PLEKHH2: variants seen among roughly 807,000 people sequenced by gnomAD.
PLEKHH2 encodes the protein pleckstrin homology domain-containing family H member 2.
Under a neutral mutation model 187.9 loss-of-function variants are expected in PLEKHH2, and 129 were observed. The observed-to-expected ratio is 0.69, with a 90% CI of 0.59 to 0.79. PLEKHH2 has a LOEUF of 0.79. PLEKHH2 is among the 30% of genes least tolerant of loss of function. PLEKHH2 has a pLI of 0.00. For synonymous variants in PLEKHH2, 686 were observed against 605.6 expected, an observed-to-expected ratio of 1.13 and a Z score of -1.95; for missense variants, 2,076 against 1,751.2, an observed-to-expected ratio of 1.19 and a Z score of -3.31.
intron 6 of PLEKHH2, among the ~76,000 whole-genome samples, chr2:43,696,720 G>T (rs1038816615): frequency 6.6e-6 from 1 of 152,080 alleles, no homozygotes; most frequent in African/African-American, 2.4e-5. Flanking sequence ...TGGGATGGTT[G>T]CCCCAAGGAT....
chr2:43,736,384 G>A (rs963516403), intron 19 of PLEKHH2, among the ~76,000 whole-genome samples: 16 of 152,094 alleles, frequency 1.1e-4, no homozygotes, highest in African/African-American at 3.6e-4. Flanking sequence ...CAGATTCTTC[G>A]GAAAAAACTA....
chr2:43,755,980 T>C (rs1672196257), intron 25 of PLEKHH2, among the ~76,000 whole-genome samples: 1 of 152,196 alleles, frequency 6.6e-6, no homozygotes, highest in Admixed American at 6.5e-5. Flanking sequence ...AGCAAAAATG[T>C]GAATCTAGCT....
chr2:43,652,352 C>G (rs1666518650), intron 2 of PLEKHH2, among the ~76,000 whole-genome samples: 1 of 152,082 alleles, frequency 6.6e-6, no homozygotes, highest in Admixed American at 6.6e-5. Flanking sequence ...GGCATTTGGC[C>G]CTTAGAAGGA....
chr2:43,729,427 A>G (rs1361574323), intron 17 of PLEKHH2, among the ~76,000 whole-genome samples: 1 of 152,252 alleles, frequency 6.6e-6, no homozygotes, highest in Non-Finnish European at 1.5e-5. Flanking sequence ...CTGAATAAGA[A>G]AAGTGTAAAT....
rs1405267805 is a variant in PLEKHH2, at chr2:43,694,441, G to A, written c.347G>A (p.Arg116Lys). 1.3e-6 allele frequency: 2 copies of A among 1,556,966 alleles called. No individual in the cohort carries two copies. The highest frequency in any genetic ancestry group is 1.7e-6 in the Non-Finnish European group (2 of 1,144,880). The change falls in exon 5 of 30, where the codon AGA becomes AAA. Residue 116 changes from arginine to lysine, a missense_variant. By Grantham distance (26) the Arg-to-Lys change is conservative. Transcript: ENST00000282406. ...CTATTGTTATTTCAGAAACAAATAA[G>A]AATACAAGAAGCTAAAATAATAGAA... ...ELQLEEQKQI[R>K]IQEAKIIEEK...
chr2:43,645,637 T>A (rs1574468060), intron 2 of PLEKHH2, among the ~76,000 whole-genome samples: 1 of 152,308 alleles, frequency 6.6e-6, no homozygotes, highest in African/African-American at 2.4e-5. Flanking sequence ...ATAATTTTTA[T>A]ATTGATTATA....
chr2:43,694,714 A>G (rs1197973620), intron 5 of PLEKHH2, among the ~76,000 whole-genome samples, 200 bp downstream of exon 5: 5 of 152,204 alleles, frequency 3.3e-5, no homozygotes, highest in African/African-American at 1.2e-4. Flanking sequence ...TAATAGACTC[A>G]TGAGGATCAG....
At chr2:43,686,673 T>C (rs770876524) in intron 3 of PLEKHH2, among the ~76,000 whole-genome samples, 1 of 152,238 alleles carries the variant, frequency 6.6e-6, no homozygotes, top group East Asian at 1.9e-4. Flanking sequence ...TCCTACTTTA[T>C]AATCATGGAG....
chr2:43,764,294 G>A lies in PLEKHH2; in HGVS notation c.4225G>A (p.Val1409Ile), dbSNP rs1672540132. 3.1e-6 allele frequency: 5 copies of A among 1,601,188 alleles called. No individual in the cohort carries two copies. The highest frequency in any genetic ancestry group is 1.3e-5 in the African/African-American group (1 of 74,254). The change falls in exon 29 of 30, where the codon GTA (valine) becomes ATA (isoleucine). Residue 1409 changes from valine (V) to isoleucine (I), a missense_variant. By Grantham distance (29) the Val-to-Ile change is conservative (BLOSUM62 3). Coordinates refer to ENST00000282406, the MANE Select transcript of PLEKHH2 (RefSeq NM_172069.4). ...TFGGYQDDFM[V>I]VINNTHSKDK... ...TGGAGGCTATCAAGATGATTTTATGGTAGTCATTAACAATACACATTCAAA... is the reference window on the plus strand; with the variant it reads ...TGGAGGCTATCAAGATGATTTTATGATAGTCATTAACAATACACATTCAAA...
At chr2:43,671,833 T>C (rs980526845) in intron 2 of PLEKHH2, among the ~76,000 whole-genome samples, 1 of 152,216 alleles carries the variant, frequency 6.6e-6, no homozygotes, top group African/African-American at 2.4e-5. Context: ...CTTTGTTGTG[T>C]ATATTTGGAT....
chr2:43,727,011 T>A (rs1282069107), intron 17 of PLEKHH2, among the ~76,000 whole-genome samples: 1 of 152,180 alleles, frequency 6.6e-6, no homozygotes, highest in East Asian at 1.9e-4. Context: ...TTTCATCTCA[T>A]ACAGATAGCA....
intron 15 of PLEKHH2, among the ~76,000 whole-genome samples, chr2:43,720,465 A>G (rs576118544): frequency 1.3e-5 from 2 of 152,230 alleles, no homozygotes; most frequent in African/African-American, 4.8e-5. Context: ...GCTAGTCCAC[A>G]GTGTCTATTG....
At chr2:43,710,828 A>T in intron 14 of PLEKHH2, 3 of 1,251,020 alleles carry the variant, frequency 2.4e-6, no homozygotes, top group Non-Finnish European at 3.0e-6. Context: ...CCTCATATTT[A>T]ATCTCCTAGG....
At chr2:43,674,714 G>A (rs907612854) in intron 2 of PLEKHH2, among the ~76,000 whole-genome samples, 1 of 152,066 alleles carries the variant, frequency 6.6e-6, no homozygotes, top group Non-Finnish European at 1.5e-5. Context: ...GCTGCGTGTG[G>A]TGGGTCATGC....
chr2:43,755,830 T>C (rs190856946), intron 25 of PLEKHH2, among the ~76,000 whole-genome samples: 1 of 152,274 alleles, frequency 6.6e-6, no homozygotes, highest in East Asian at 1.9e-4. Flanking sequence ...GAATGGTGAA[T>C]GGGTGACAGC....
intron 3 of PLEKHH2, chr2:43,679,392 G>C (rs924011771): frequency 4.6e-6 from 1 of 216,214 alleles, no homozygotes; most frequent in Non-Finnish European, 8.7e-6. Context: ...ATTAGGAAAA[G>C]TCAAACCTAA....
At position 43,678,890 on chromosome 2, in the gene PLEKHH2, G is replaced by C; in HGVS notation, c.151G>C (p.Asp51His). ...KMQQLERQVI[D>H]AERQAEKAFQ... ...GCAACAGCTTGAGAGACAAGTTATT[G>C]ATGCTGAACGTCAAGCAGAAAAAGC... is the stretch of plus-strand genomic sequence containing the variant. The change falls in exon 3 of 30, where the codon GAT becomes CAT. Residue 51 changes from aspartate to histidine, a missense_variant. Asp to His is a moderately conservative substitution (Grantham distance 81). Coordinates refer to ENST00000282406, the MANE Select transcript of PLEKHH2 (RefSeq NM_172069.4). 1.9e-6 allele frequency: 3 copies of C among 1,607,660 alleles called. No homozygotes were observed. The highest frequency in any genetic ancestry group is 1.7e-5 in the Admixed American group (1 of 59,952).
chr2:43,742,679 T>G, intron 21 of PLEKHH2, 62 bp from the exon 22 acceptor site: 1 of 1,252,878 alleles, frequency 8.0e-7, no homozygotes, highest in Middle Eastern at 1.9e-4. Flanking sequence ...TCTTAATGGT[T>G]GCACATATTA....
chr2:43,641,502 T>TA (rs1412544206), intron 1 of PLEKHH2, among the ~76,000 whole-genome samples: 1 of 21,162 alleles, frequency 4.7e-5, no homozygotes, highest in Non-Finnish European at 1.1e-4. Flanking sequence ...TGTTTTGCAA[T>TA]TTTTTTTTTT....
Sources: gnomAD v4.1 joint callset for allele counts (sites outside exome capture counted in the v4.1 genomes callset) on GRCh38, gnomAD v4.1.1 for gene constraint, MANE v1.5 for transcripts, NCBI Gene and HGNC (gene_info 2026-07-23, HGNC 2026-07-21) for gene names.